The following IL25 variants were observed in gnomAD, a reference collection of about 807,000 sequenced individuals.
IL25 encodes interleukin 25.
Under a neutral mutation model 13.2 loss-of-function variants are expected in IL25, and 10 were observed. The ratio of observed to expected loss-of-function variants is 0.76; its 90% confidence interval spans 0.47 to 1.29. The LOEUF (loss-of-function observed/expected upper bound fraction) is 1.29, where lower values mean the gene tolerates loss of function less well. Ranked by LOEUF, IL25 falls within the 50% of genes most tolerant of loss-of-function variation. The pLI, the probability that IL25 is intolerant of heterozygous loss-of-function variation, is 0.00. For missense variants in IL25, 235 were observed against 232.4 expected (o/e 1.01, Z -0.07); for synonymous variants, 107 against 92.1 (o/e 1.16, Z -0.93).
exon 1 of IL25, chr14:23,373,378 TCTC>T (rs2138558201): frequency 6.2e-7 from 1 of 1,612,396 alleles, no homozygotes; most frequent in Non-Finnish European, 8.5e-7. Context: ...AGCAGGGCCA[TCTC>T]CCCCTGGAGA....
exon 2 of IL25, chr14:23,375,770 C>A (rs1124053): frequency 0.22 from 356,177 of 1,614,028 alleles, 41,201 homozygotes; most frequent in African/African-American, 0.38. Context: ...TGTCTTCTAC[C>A]GGCGGCCATG....
At chr14:23,373,286 T>C in exon 1 of IL25, 3 of 1,614,168 alleles carry the variant, frequency 1.9e-6, no homozygotes, top group Non-Finnish European at 2.5e-6. Flanking sequence ...GGTGGAGCAC[T>C]GTGCCTGTGC....
At chr14:23,375,827 C>T (rs1890538667) in exon 2 of IL25, 1 of 1,614,142 alleles carries the variant, frequency 6.2e-7, no homozygotes, top group African/African-American at 1.3e-5. Flanking sequence ...GGAGCGCAGG[C>T]TGTACCGTGT....
At chr14:23,375,637 C>G in exon 2 of IL25, 1 of 1,613,892 alleles carries the variant, frequency 6.2e-7, no homozygotes, top group East Asian at 2.2e-5. Flanking sequence ...TGGACAGAGA[C>G]TTGAACCGGC....
rs747685813 is a variant in IL25, at chr14:23,375,659, C to G, written c.313C>G (p.Leu105Val). ...AGACTTGAACCGGCTCCCCCAGGACCTGTACCACGCCCGTTGCCTGTGCCC... is the reference window on the plus strand; with the variant it reads ...AGACTTGAACCGGCTCCCCCAGGACGTGTACCACGCCCGTTGCCTGTGCCC... Residue 105 changes from leucine (L) to valine (V), a missense_variant, in exon 2 of 2, where the codon CTG (leucine) becomes GTG (valine). Leu to Val is a conservative substitution (Grantham distance 32). Transcript: ENST00000329715. The G allele has an allele frequency of 3.1e-6, 5 of 1,614,116 alleles. No homozygotes were observed. The African/African-American group carries it at 4.0e-5, about 13-fold the overall frequency.
At chr14:23,373,371 A>T in exon 1 of IL25, 2 of 1,613,038 alleles carry the variant, frequency 1.2e-6, no homozygotes, top group Non-Finnish European at 1.7e-6. Flanking sequence ...CCTCAACAGC[A>T]GGGCCATCTC....
chr14:23,375,810 AC>A lies in IL25; in HGVS notation c.465del (p.Cys156AlafsTer11). On this transcript the variant is annotated frameshift_variant, in exon 2 of 2. Transcript: ENST00000329715. LOFTEE classifies it high-confidence loss of function. Reference sequence around the variant, plus strand: ...GGCGAGAAGGGCACCCACAAGGGCTACTGCCTGGAGCGCAGGCTGTACCGTG... The same window carrying A: ...GGCGAGAAGGGCACCCACAAGGGCTATGCCTGGAGCGCAGGCTGTACCGTG... The A allele has an allele frequency of 1.2e-6, 2 of 1,614,238 alleles. No homozygotes were observed. The highest frequency in any genetic ancestry group is 1.7e-6 in the Non-Finnish European group (2 of 1,180,042).
exon 2 of IL25, chr14:23,375,916 C>G: frequency 6.2e-7 from 1 of 1,602,796 alleles, no homozygotes; most frequent in Non-Finnish European, 8.5e-7. Flanking sequence ...TTTTGGGAAA[C>G]CTGGAGCCAG....
chr14:23,374,989 G>T (rs1001547261), intron 1 of IL25, among the ~76,000 whole-genome samples: 1 of 151,722 alleles, frequency 6.6e-6, no homozygotes, highest in African/African-American at 2.4e-5. Flanking sequence ...ACCACCTAAA[G>T]TCCGGCCCGG....
At chr14:23,374,997 C>T (rs1165333946) in intron 1 of IL25, among the ~76,000 whole-genome samples, 7 of 152,026 alleles carry the variant, frequency 4.6e-5, no homozygotes, top group Middle Eastern at 3.2e-3. Flanking sequence ...AAGTCCGGCC[C>T]GGTGGCTCAT....
chr14:23,373,394 T>C, exon 1 of IL25: 1 of 1,604,866 alleles, frequency 6.2e-7, no homozygotes, highest in Admixed American at 1.7e-5. Context: ...CCTGGAGATA[T>C]GAGTGAGTCT....
chr14:23,373,431 T>G lies in IL25; in HGVS notation c.278+35T>G, dbSNP rs762221348. On this transcript the variant is annotated intron_variant, in intron 1 of 1. Transcript: ENST00000329715. The stretch of plus-strand genomic sequence containing the variant: ...CTGCCCCTCCCGAATGCCTGCCCTG[T>G]GTGTGCTGGCCAGGGTATGCGTGAG... 4.3e-5 allele frequency: 67 copies of G among 1,569,528 alleles called. 2 individuals carry two copies. The Middle Eastern group carries it at 1.2e-3, about 29-fold the overall frequency.
chr14:23,373,461 C>G, intron 1 of IL25, 65 bp downstream of exon 2: 1 of 1,379,356 alleles, frequency 7.2e-7, no homozygotes, highest in African/African-American at 1.4e-5. Flanking sequence ...CGTGAGGGAC[C>G]AGGGCAATTC....
At chr14:23,373,501 G>A (rs1259621596) in intron 1 of IL25, 105 bp downstream of exon 2, 17 of 964,154 alleles carry the variant, frequency 1.8e-5, no homozygotes, top group Non-Finnish European at 2.0e-5. Context: ...GATCTCAGAG[G>A]GGCTGTAAAG....
At position 23,373,326 on chromosome 14, in the gene IL25, C is replaced by T. The variant is rs553088126; in HGVS notation, c.208C>T (p.His70Tyr). 114 of 1,614,132 alleles carry T rather than the reference C, an allele frequency of 7.1e-5. 1 individual carries two copies. In the South Asian group the frequency reaches 1.2e-3, roughly 17 times the overall value. The change falls in exon 1 of 2, where the codon CAC becomes TAC. Residue 70 changes from histidine (H) to tyrosine (Y), a missense_variant. Coordinates refer to ENST00000329715, the Ensembl canonical transcript of IL25. The stretch of plus-strand genomic sequence containing the variant: ...CCTAGAGCCTGCTAGGCCCAACCGC[C>T]ACCCAGAGTCCTGTAGGGCCAGTGA...
chr14:23,375,887 C>T (rs775114187), exon 2 of IL25: 2 of 1,611,358 alleles, frequency 1.2e-6, no homozygotes, highest in Middle Eastern at 1.7e-4. Flanking sequence ...CTAGCCGGAC[C>T]TGCTGGAGGC....
At chr14:23,373,263 G>A (rs146134742) in exon 1 of IL25, 9 of 1,614,096 alleles carry the variant, frequency 5.6e-6, no homozygotes, top group Admixed American at 1.7e-5. Flanking sequence ...GGACACCTCT[G>A]AGGAGCTGCT....
At chr14:23,373,685 C>G (rs1385751252) in intron 1 of IL25, among the ~76,000 whole-genome samples, 1 of 151,398 alleles carries the variant, frequency 6.6e-6, no homozygotes, top group African/African-American at 2.4e-5. Context: ...ATGTAAAAGT[C>G]TGTATTTATG....
exon 2 of IL25, chr14:23,375,963 A>G: frequency 6.5e-7 from 1 of 1,545,902 alleles, no homozygotes; most frequent in Non-Finnish European, 8.8e-7. Context: ...CAGGATGCCC[A>G]GATGCTTGGC....
Sources: allele counts gnomAD v4.1 joint callset (sites outside exome capture counted in the v4.1 genomes callset), GRCh38; gene constraint gnomAD v4.1.1; transcripts MANE v1.5; gene names NCBI Gene and HGNC (gene_info 2026-07-23, HGNC 2026-07-21).